ITSN2: variants seen among roughly 807,000 people sequenced by gnomAD.
ITSN2 encodes intersectin-2.
In ITSN2, 156 loss-of-function variants were observed where a neutral mutation model predicts 243.7. The observed-to-expected ratio is 0.64, with a 90% CI of 0.56 to 0.73. ITSN2 has a LOEUF of 0.73. Among genes scored for constraint, ITSN2 ranks in the 30% least tolerant of loss-of-function variants. The pLI, the probability that ITSN2 is intolerant of heterozygous loss-of-function variation, is 0.00. For synonymous variants in ITSN2, 703 were observed against 699.9 expected (o/e 1.00, Z -0.07); for missense variants, 1,801 against 1,996.1 (o/e 0.90, Z 1.86).
intron 29 of ITSN2, among the ~76,000 whole-genome samples, chr2:24,235,197 T>C (rs1277449061): frequency 6.6e-6 from 1 of 152,152 alleles, no homozygotes; most frequent in Non-Finnish European, 1.5e-5. Context: ...GGAGGAAACT[T>C]ACATGCCTAT....
intron 22 of ITSN2, among the ~76,000 whole-genome samples, chr2:24,259,408 T>C (rs942735004): frequency 1.3e-5 from 2 of 152,256 alleles, no homozygotes; most frequent in Non-Finnish European, 2.9e-5. Context: ...CTTAACTGGT[T>C]GTTTTCTTCT....
intron 2 of ITSN2, among the ~76,000 whole-genome samples, chr2:24,324,271 T>A (rs111654608): frequency 7.2e-5 from 11 of 152,132 alleles, no homozygotes; most frequent in East Asian, 5.8e-4. Flanking sequence ...AAATTTTTTT[T>A]AAAAAGCTGC....
intron 1 of ITSN2, among the ~76,000 whole-genome samples, chr2:24,348,075 T>C (rs1687708349): frequency 6.6e-6 from 1 of 150,950 alleles, no homozygotes. Flanking sequence ...CCTATATCTA[T>C]AAAAATAAAT....
At chr2:24,313,337 A>G in intron 4 of ITSN2, 123 bp downstream of exon 4, 1 of 706,766 alleles carries the variant, frequency 1.4e-6, no homozygotes, top group Non-Finnish European at 2.3e-6. Flanking sequence ...AGACTCCCAA[A>G]GTGCTGGCAG....
intron 4 of ITSN2, among the ~76,000 whole-genome samples, chr2:24,312,855 G>A (rs541877084): frequency 4.6e-5 from 7 of 152,046 alleles, no homozygotes; most frequent in African/African-American, 1.4e-4. Flanking sequence ...GGGGAAGCGA[G>A]GACTAATTTG....
chr2:24,298,645 C>T lies in ITSN2; in HGVS notation c.1494+20G>A. ...GCTCCATCATCATTCAGATAAATTT[C>T]ACTTAAACTTCAGCCATACCAGTGC... On this transcript the variant is annotated intron_variant, in intron 13 of 39. Transcript: ENST00000355123. 6.3e-7 allele frequency: 1 copy of T among 1,588,302 alleles called. No homozygotes were observed. Among genetic ancestry groups the T allele is most frequent in the Non-Finnish European group, 8.5e-7 (1 of 1,171,032 alleles).
At chr2:24,210,457 C>CA (rs1669347990) in intron 34 of ITSN2, 1 of 285,824 alleles carries the variant, frequency 3.5e-6, no homozygotes, top group Non-Finnish European at 6.5e-6. Context: ...ACTAAAAATA[C>CA]GAAAATTAGC....
intron 17 of ITSN2, among the ~76,000 whole-genome samples, chr2:24,284,494 T>C (rs758270238): frequency 6.6e-6 from 1 of 152,150 alleles, no homozygotes; most frequent in Non-Finnish European, 1.5e-5. Context: ...CCCAGGGATG[T>C]TGTAAAGGAA....
At chr2:24,222,992 T>A (rs531399147) in intron 29 of ITSN2, among the ~76,000 whole-genome samples, 1 of 152,186 alleles carries the variant, frequency 6.6e-6, no homozygotes, top group Non-Finnish European at 1.5e-5. Context: ...TATTCTTAAA[T>A]AAATATCACT....
At chr2:24,241,387 C>G (rs535056762) in intron 29 of ITSN2, 1 of 152,210 alleles carries the variant, frequency 6.6e-6, no homozygotes, top group East Asian at 1.9e-4. Flanking sequence ...AGAATACACA[C>G]GCTGCAGCAC....
At chr2:24,213,135 C>T (rs1669655140) in intron 32 of ITSN2, among the ~76,000 whole-genome samples, 1 of 152,148 alleles carries the variant, frequency 6.6e-6, no homozygotes, top group Non-Finnish European at 1.5e-5. Flanking sequence ...CCCCTGCCCT[C>T]TCTTCTCGGA....
rs1168989398 is a variant in ITSN2, at chr2:24,204,641, C to T, written c.4763-223G>A. On this transcript the variant is annotated intron_variant, in intron 38 of 39. Coordinates refer to ENST00000355123, the MANE Select transcript of ITSN2 (RefSeq NM_006277.3). This position sits in a 1 kb window ranked among gnomAD's most constrained non-coding sequence, Gnocchi z 5.1. ...ACTGGGGAGTGGCCGAGAGCTCCAC[C>T]GCCAGGACCACTCCGCACGGAACAA... 2.6e-5 allele frequency: 17 copies of T among 641,636 alleles called. No individual in the cohort carries two copies. In the East Asian group the frequency reaches 3.5e-4, roughly 13 times the overall value. 39.7% of individuals were successfully genotyped at this position (641,636 alleles called of 1,614,324 possible). A position where few individuals can be genotyped will look rare whatever the true frequency, so the allele number is the denominator to read the frequency against.
intron 1 of ITSN2, among the ~76,000 whole-genome samples, chr2:24,331,301 G>A (rs1685755631): frequency 6.6e-6 from 1 of 151,306 alleles, no homozygotes; most frequent in Non-Finnish European, 1.5e-5. Context: ...TTGAACTCCT[G>A]ACCTCAGGTG....
rs371069665 is a variant in ITSN2 at position 24,332,577 on chromosome 2, T to C, written c.-33-4462A>G. Among the ~76,000 whole-genome samples, 4 of 152,228 alleles carry C rather than the reference T, an allele frequency of 2.6e-5. No homozygotes were observed. The South Asian group carries it at 6.2e-4, about 24-fold the overall frequency. ...ACCATATTATATGTAACATTTATAT[T>C]GTATGTAACATCTGATTAACTGTGG... On this transcript the variant is annotated intron_variant, in intron 1 of 39. Transcript: ENST00000355123.
intron 20 of ITSN2, among the ~76,000 whole-genome samples, chr2:24,266,981 T>G (rs1370457047): frequency 2.6e-5 from 4 of 151,950 alleles, no homozygotes; most frequent in Non-Finnish European, 5.9e-5. Flanking sequence ...GCCAGAGCAA[T>G]ATAAATTCAG....
chr2:24,272,424 C>CTTT (rs528083155), intron 18 of ITSN2, among the ~76,000 whole-genome samples: 30 of 123,402 alleles, frequency 2.4e-4, no homozygotes, highest in African/African-American at 8.1e-4. Context: ...AAACAACCTA[C>CTTT]TTTTTTTTTT....
At position 24,328,345 on chromosome 2, in the gene ITSN2, A is replaced by G. The variant is rs1685387606; in HGVS notation, c.-33-230T>C. Among the ~76,000 whole-genome samples the G allele has an allele frequency of 1.3e-5, 2 of 152,234 alleles. 1 individual carries two copies. The highest frequency in any genetic ancestry group is 4.1e-4 in the South Asian group (2 of 4,836). ...ACAGAAAAACAGTCACATATTTAAT[A>G]GTAGATACTGAATAAAGAAACCCTT... On this transcript the variant is annotated intron_variant, in intron 1 of 39. Coordinates refer to ENST00000355123, the MANE Select transcript of ITSN2 (RefSeq NM_006277.3).
chr2:24,293,662 T>TA lies in ITSN2; in HGVS notation c.1723+25dup, dbSNP rs748820016. 6.5e-6 allele frequency: 5 copies of TA among 773,270 alleles called. No individual in the cohort carries two copies. The East Asian group carries it at 1.4e-4, about 22-fold the overall frequency. 47.9% of individuals were successfully genotyped at this position (773,270 alleles called of 1,614,324 possible). A position where few individuals can be genotyped will look rare whatever the true frequency, so the allele number is the denominator to read the frequency against. On this transcript the variant is annotated intron_variant, in intron 15 of 39. Transcript: ENST00000355123. Reference sequence around the variant, plus strand: ...ACAGTCATTCAGAAAAGGATAAAAGTAATCAGACAAACCTTAGAGACTTAC... The same window carrying TA: ...ACAGTCATTCAGAAAAGGATAAAAGTAAATCAGACAAACCTTAGAGACTTAC...
chr2:24,301,406 A>G (rs994562769), intron 10 of ITSN2, among the ~76,000 whole-genome samples, 167 bp from the exon 11 acceptor site: 2 of 152,232 alleles, frequency 1.3e-5, no homozygotes, highest in African/African-American at 4.8e-5. Flanking sequence ...ATGGATATTC[A>G]AGACAGAGAA....
Sources: gnomAD v4.1 joint callset for allele counts (sites outside exome capture counted in the v4.1 genomes callset) on GRCh38, gnomAD v4.1.1 for gene constraint, Gnocchi (gnomAD v3.1) non-coding constraint, MANE v1.5 for transcripts, NCBI Gene and HGNC (gene_info 2026-07-23, HGNC 2026-07-21) for gene names.